RPS2: variants seen among roughly 807,000 people sequenced by gnomAD.
RPS2 encodes ribosomal protein S2, also known as small ribosomal subunit protein uS5.
In RPS2, 8 loss-of-function variants were observed where a neutral mutation model predicts 25.3. The ratio of observed to expected loss-of-function variants is 0.32; its 90% CI spans 0.19 to 0.57. The LOEUF is 0.57. Ranked by LOEUF, RPS2 falls within the 20% of genes least tolerant of loss-of-function variation. The pLI is 0.90. For missense variants in RPS2, 229 were observed against 408.1 expected, an observed-to-expected ratio of 0.56 and a Z score of 3.78; for synonymous variants, 181 against 161.3, an observed-to-expected ratio of 1.12 and a Z score of -0.92.
In RPS2 at chr16:1,964,449, C is replaced by G; in HGVS notation, c.177G>C (p.Glu59Asp). Residue 59 changes from glutamate to aspartate, a missense_variant and splice_region_variant, in exon 2 of 7, where the codon GAG becomes GAC. Physicochemically the swap from Glu to Asp is conservative, Grantham distance 45. Around this residue, in one of 7 missense-constraint regions of RPS2, gnomAD observed 70 missense variants for 119.0 expected, o/e 0.59. Coordinates refer to ENST00000343262, the MANE Select transcript of RPS2 (RefSeq NM_002952.4). ...GARGGKAEDKEWMPVTKLGRL... is the reference protein window; with the variant it reads ...GARGGKAEDKDWMPVTKLGRL... ...GACCCCGAGCGTGGCTGATACCTAC[C>G]TCCTTATCCTCGGCCTTGCCTCCGC... 12 of 1,611,756 alleles carry G rather than the reference C, an allele frequency of 7.4e-6. No homozygotes were observed. Among genetic ancestry groups the G allele is most frequent in the Non-Finnish European group, 1.0e-5 (12 of 1,179,648 alleles).
intron 4 of RPS2, 114 bp from the exon 5 acceptor site, chr16:1,963,023 G>A (rs765062509): frequency 9.4e-6 from 13 of 1,377,574 alleles, no homozygotes; most frequent in Non-Finnish European, 1.3e-5. Flanking sequence ...CCCATCCGAG[G>A]TCCTGAGGAG....
chr16:1,964,130 C>T, intron 3 of RPS2, 146 bp downstream of exon 3: 1 of 667,124 alleles, frequency 1.5e-6, no homozygotes, highest in South Asian at 1.8e-5. Context: ...GAATCCTCTC[C>T]TCAGCCAGCC....
In RPS2 at chr16:1,963,822, C is replaced by T. The variant is rs1001274604; in HGVS notation, c.267+454G>A. 5 of 458,652 alleles carry T rather than the reference C, an allele frequency of 1.1e-5. 1 individual carries two copies. The highest frequency in any genetic ancestry group is 7.8e-5 in the South Asian group (5 of 64,496). The allele number at this position is 458,652 out of a possible 1,614,324, so 28.4% of individuals were successfully genotyped here. A position where few individuals can be genotyped will look rare whatever the true frequency, so the allele number is the denominator to read the frequency against. ...TTGCTTTGTCCAGCTTTGGCCTAGC[C>T]ATGACCACCGTACCTTGCTAGGGCG... On this transcript the variant is annotated intron_variant, in intron 3 of 6. Transcript: ENST00000343262.
chr16:1,964,427 C>A (rs777425475), intron 2 of RPS2, 22 bp downstream of exon 2: 2 of 1,612,496 alleles, frequency 1.2e-6, no homozygotes, highest in Non-Finnish European at 1.7e-6. Context: ...GGGGCCCGAC[C>A]CCGAGCGTGG....
chr16:1,964,141 C>T, intron 3 of RPS2, 135 bp downstream of exon 3: 1 of 698,278 alleles, frequency 1.4e-6, no homozygotes, highest in South Asian at 1.8e-5. Context: ...TCAGCCAGCC[C>T]GCAACACAAC....
In RPS2 at chr16:1,962,920, A is replaced by ATG; in HGVS notation, c.376-13_376-12dup. 1.9e-6 allele frequency: 3 copies of ATG among 1,591,082 alleles called. No individual in the cohort carries two copies. Among genetic ancestry groups the ATG allele is most frequent in the Non-Finnish European group, 2.6e-6 (3 of 1,174,524 alleles). ...GATAGCAACAAATGCCTGCGAAAAG[A>ATG]TGTGTGTGAGGCAGCTGGTGGCCCT... On this transcript the variant is annotated splice_polypyrimidine_tract_variant and intron_variant, in intron 4 of 6. Coordinates refer to ENST00000343262, the MANE Select transcript of RPS2 (RefSeq NM_002952.4).
chr16:1,964,077 T>A (rs933467863), intron 3 of RPS2, 199 bp downstream of exon 3: 38 of 590,918 alleles, frequency 6.4e-5, no homozygotes, highest in Non-Finnish European at 9.7e-5. Context: ...AAATGCCTTT[T>A]GTGGCTCTGG....
Position 1,962,517 on chromosome 16 carries a change from G to C in RPS2, c.689C>G (p.Thr230Ser), listed in dbSNP as rs1219448992. The C allele has an allele frequency of 1.9e-6, 3 of 1,612,192 alleles. No homozygotes were observed. In the Admixed American group the frequency reaches 5.0e-5, roughly 27 times the overall value. The change falls in exon 6 of 7, where the codon ACT (threonine) becomes AGT (serine). Residue 230 changes from threonine to serine, a missense_variant. By Grantham distance (58) the Thr-to-Ser change is moderately conservative. Transcript: ENST00000343262. ...CCTACCGAAGTTGCCCAGGGTGGCA[G>C]TGCAGCCCCGGGCTGAGGTGTAGCA... Reference protein sequence around the residue: ...DDCYTSARGCTATLGNFAKAT... With the variant: ...DDCYTSARGCSATLGNFAKAT...
rs1450857179 is a variant in RPS2, at chr16:1,962,696, G to A, written c.549+40C>T. ...AGTCAGGAGACGGGGGCCCGAGGGA[G>A]CCTGCCCCACGGCAGGCCCATCACC... On this transcript the variant is annotated intron_variant, in intron 5 of 6. Coordinates refer to ENST00000343262, the MANE Select transcript of RPS2 (RefSeq NM_002952.4). 14 of 1,588,362 alleles carry A rather than the reference G, an allele frequency of 8.8e-6. No individual in the cohort carries two copies. In the African/African-American group the frequency reaches 1.2e-4, roughly 14 times the overall value.
intron 1 of RPS2, 85 bp downstream of exon 1, chr16:1,964,722 G>A (rs1429968990): frequency 4.2e-6 from 3 of 706,982 alleles, no homozygotes; most frequent in East Asian, 5.9e-5. Context: ...CCAGGAGCGC[G>A]GACTCGGGAG....
In RPS2 at chr16:1,962,696, GCCTGCCCCACGGCAGGCCCATCA is replaced by G; in HGVS notation, c.549+17_549+39del. On this transcript the variant is annotated intron_variant, in intron 5 of 6. Coordinates refer to ENST00000343262, the MANE Select transcript of RPS2 (RefSeq NM_002952.4). ...AGTCAGGAGACGGGGGCCCGAGGGA[GCCTGCCCCACGGCAGGCCCATCA>G]CCTGCCACCAGCCTACCTTGCAAGG... The G allele has an allele frequency of 1.3e-6, 2 of 1,588,362 alleles. No individual in the cohort carries two copies. The highest frequency in any genetic ancestry group is 1.7e-6 in the Non-Finnish European group (2 of 1,167,744).
In RPS2 at chr16:1,962,204, G is replaced by C. The variant is rs1346027608; in HGVS notation, c.776C>G (p.Thr259Ser). 2 of 1,606,952 alleles carry C rather than the reference G, an allele frequency of 1.2e-6. No individual in the cohort carries two copies. Among genetic ancestry groups the C allele is most frequent in the South Asian group, 1.1e-5 (1 of 90,974 alleles). Reference sequence around the variant, plus strand: ...CTGATAGGGAGACTTGGTGAATACAGTCTCCTTCCAGAGGTCGGGGGTCAG... The same window carrying C: ...CTGATAGGGAGACTTGGTGAATACACTCTCCTTCCAGAGGTCGGGGGTCAG... ...SYLTPDLWKE[T>S]VFTKSPYQEF... The change falls in exon 7 of 7, where the codon ACT becomes AGT. Residue 259 changes from threonine to serine, a missense_variant. Thr to Ser is a moderately conservative substitution (Grantham distance 58). Coordinates refer to ENST00000343262, the MANE Select transcript of RPS2 (RefSeq NM_002952.4).
At chr16:1,964,046 C>G (rs2083283846) in intron 3 of RPS2, 1 of 564,006 alleles carries the variant, frequency 1.8e-6, no homozygotes, top group Admixed American at 3.1e-5. Flanking sequence ...GAATTCGCTG[C>G]GAATGTGGGA....
intron 3 of RPS2, 112 bp downstream of exon 3, chr16:1,964,164 C>A (rs115542116): frequency 0.028 from 22,269 of 807,800 alleles, 466 homozygotes; most frequent in African/African-American, 0.08. Context: ...CAACCTCTCA[C>A]GCGAGACGCT....
At chr16:1,962,425 A>G (rs1184002422) in intron 6 of RPS2, 72 bp downstream of exon 6, 2 of 1,469,860 alleles carry the variant, frequency 1.4e-6, no homozygotes, top group Non-Finnish European at 1.9e-6. Flanking sequence ...AAACACGCCA[A>G]GCACACACTG....
At chr16:1,964,091 C>T (rs1169354250) in intron 3 of RPS2, 185 bp downstream of exon 3, 3 of 596,778 alleles carry the variant, frequency 5.0e-6, no homozygotes, top group Non-Finnish European at 9.0e-6. Context: ...GCTCTGGCTT[C>T]GCTCAGGTAT....
chr16:1,964,166 C>T, intron 3 of RPS2, 110 bp downstream of exon 3: 2 of 818,282 alleles, frequency 2.4e-6, no homozygotes, highest in Non-Finnish European at 4.1e-6. Flanking sequence ...ACCTCTCACG[C>T]GAGACGCTGG....
intron 3 of RPS2, chr16:1,963,594 A>G (rs2083277954): frequency 5.7e-6 from 2 of 352,450 alleles, no homozygotes; most frequent in South Asian, 4.3e-5. Flanking sequence ...CGATAGGGCG[A>G]AACTGTGTAA....
intron 2 of RPS2, 21 bp downstream of exon 2, chr16:1,964,428 C>G (rs1460466183): frequency 1.9e-6 from 3 of 1,612,460 alleles, no homozygotes; most frequent in Non-Finnish European, 1.7e-6. Flanking sequence ...GGGCCCGACC[C>G]CGAGCGTGGC....
Sources: gnomAD v4.1 joint callset for allele counts on GRCh38, gnomAD v4.1.1 for gene constraint, gnomAD v4.1.1 regional missense constraint, MANE v1.5 for transcripts, NCBI Gene and HGNC (gene_info 2026-07-23, HGNC 2026-07-21) for gene names.